The following MEF2C variants were observed in gnomAD, a reference collection of about 807,000 sequenced individuals.
MEF2C encodes the protein myocyte-specific enhancer factor 2C.
MEF2C carries 6 observed loss-of-function variants against 50.5 expected under a neutral mutation model. The observed-to-expected ratio is 0.12, with a 90% CI of 0.07 to 0.23. The LOEUF is 0.23. Ranked by LOEUF, MEF2C falls within the 10% of genes least tolerant of loss-of-function variation. The pLI, the probability that MEF2C is intolerant of heterozygous loss-of-function variation, is 1.00. For missense variants in MEF2C, 276 were observed against 605.0 expected (o/e 0.46, Z 5.70); for synonymous variants, 183 against 228.0 (o/e 0.80, Z 1.78).
chr5:88,888,637 G>A (rs181001069), intron 1 of MEF2C, among the ~76,000 whole-genome samples: 5 of 151,072 alleles, frequency 3.3e-5, no homozygotes, highest in African/African-American at 2.4e-5. Context: ...TATTAAGTGA[G>A]AATCATAATA....
In MEF2C at chr5:88,734,655, C is replaced by G. The variant is rs1004689899; in HGVS notation, c.638-2754G>C. ...TCCAACAAAGCCTATGTCTTTTTGC[C>G]CACATTTTAAACAGTGATTCAGGGC... On this transcript the variant is annotated intron_variant, in intron 6 of 10. Transcript: ENST00000504921. 1.3e-5 allele frequency: 13 copies of G among 963,244 alleles called. No homozygotes were observed. In the African/African-American group the frequency reaches 2.6e-4, roughly 19 times the overall value. 59.7% of individuals were successfully genotyped at this position (963,244 alleles called of 1,614,324 possible). A position where few individuals can be genotyped will look rare whatever the true frequency, so the allele number is the denominator to read the frequency against.
At chr5:88,740,104 C>T (rs1193505705) in intron 6 of MEF2C, 16 of 985,190 alleles carry the variant, frequency 1.6e-5, no homozygotes, top group East Asian at 1.1e-4. Context: ...GGGCATCAGA[C>T]GTTCTAAAAA....
intron 3 of MEF2C, among the ~76,000 whole-genome samples, chr5:88,765,321 G>C (rs1000973282): frequency 6.6e-6 from 1 of 152,192 alleles, no homozygotes; most frequent in African/African-American, 2.4e-5. Flanking sequence ...ATCCTCAGCT[G>C]AGTGCTTGTA....
At chr5:88,862,609 A>G (rs1226363238) in intron 1 of MEF2C, among the ~76,000 whole-genome samples, 7 of 152,024 alleles carry the variant, frequency 4.6e-5, no homozygotes, top group African/African-American at 1.2e-4. Flanking sequence ...AAGAGATGTA[A>G]GTTGAATCTC....
intron 3 of MEF2C, chr5:88,770,069 A>G (rs1781703557): frequency 1.1e-6 from 1 of 879,852 alleles, no homozygotes; most frequent in Non-Finnish European, 1.4e-6. Flanking sequence ...GGAAAAGACA[A>G]GACAGAACTA....
intron 4 of MEF2C, among the ~76,000 whole-genome samples, chr5:88,752,263 T>A (rs1773175626): frequency 6.6e-6 from 1 of 152,244 alleles, no homozygotes; most frequent in Admixed American, 6.5e-5. Flanking sequence ...ATGTTTCACT[T>A]TTGTTTAAAA....
chr5:88,847,930 A>G (rs1320241636), intron 1 of MEF2C, among the ~76,000 whole-genome samples: 1 of 152,204 alleles, frequency 6.6e-6, no homozygotes, highest in Non-Finnish European at 1.5e-5. Flanking sequence ...GAATTTGAAC[A>G]CAAACAATGA....
intron 3 of MEF2C, among the ~76,000 whole-genome samples, chr5:88,801,563 G>A (rs1798378833): frequency 6.6e-6 from 1 of 151,580 alleles, no homozygotes; most frequent in African/African-American, 2.4e-5. Context: ...CGCGATCTCG[G>A]CTTGCTGCAA....
At chr5:88,730,296 A>G in intron 7 of MEF2C, 62 bp from the exon 8 acceptor site, 1 of 1,530,576 alleles carries the variant, frequency 6.5e-7, no homozygotes, top group East Asian at 2.4e-5. Flanking sequence ...ATTGGGCAAA[A>G]TCTTTTCAAC....
In MEF2C at chr5:88,730,189, G is replaced by A. The variant is rs1760846179; in HGVS notation, c.834+22C>T. 2.5e-6 allele frequency: 4 copies of A among 1,577,930 alleles called. No individual in the cohort carries two copies. In the African/African-American group the frequency reaches 4.0e-5, roughly 16 times the overall value. On this transcript the variant is annotated intron_variant, in intron 8 of 10. Transcript: ENST00000504921. The stretch of plus-strand genomic sequence containing the variant: ...AAGTAGCTTTGCACATGCCATTTGA[G>A]GGAAGCGCTCTCACCACTTACCAAA...
intron 6 of MEF2C, chr5:88,742,092 C>T: frequency 2.0e-6 from 2 of 985,368 alleles, no homozygotes; most frequent in Non-Finnish European, 2.4e-6. Flanking sequence ...GCAGATTATA[C>T]TCTTGGCTGA....
At chr5:88,782,102 A>T in intron 3 of MEF2C, 1 of 959,714 alleles carries the variant, frequency 1.0e-6, no homozygotes, top group Non-Finnish European at 1.2e-6. Context: ...GCACTACTTC[A>T]TTAGGAACTT....
At chr5:88,838,957 C>T (rs190728629) in intron 1 of MEF2C, among the ~76,000 whole-genome samples, 1 of 152,216 alleles carries the variant, frequency 6.6e-6, no homozygotes. Flanking sequence ...TTATAAGACA[C>T]ACGCCTAATA....
intron 1 of MEF2C, among the ~76,000 whole-genome samples, chr5:88,843,661 C>A (rs1818242340): frequency 6.6e-6 from 1 of 152,022 alleles, no homozygotes; most frequent in East Asian, 1.9e-4. Context: ...AAACAAATAT[C>A]TATGACTTTC....
At chr5:88,799,587 A>G (rs1465196920) in intron 3 of MEF2C, among the ~76,000 whole-genome samples, 1 of 152,204 alleles carries the variant, frequency 6.6e-6, no homozygotes, top group Admixed American at 6.5e-5. Flanking sequence ...ATGTAAGAGC[A>G]CTTAGCTCGT....
chr5:88,751,300 T>C, intron 5 of MEF2C: 1 of 985,366 alleles, frequency 1.0e-6, no homozygotes, highest in South Asian at 4.7e-5. Context: ...TACATGTGTT[T>C]AATTAACTTC....
At chr5:88,733,943 C>A in intron 6 of MEF2C, 1 of 985,152 alleles carries the variant, frequency 1.0e-6, no homozygotes, top group Non-Finnish European at 1.2e-6. Flanking sequence ...TGACAAACCC[C>A]CAAATTTTCT....
chr5:88,841,231 C>A (rs920282492), intron 1 of MEF2C, among the ~76,000 whole-genome samples: 4 of 152,028 alleles, frequency 2.6e-5, no homozygotes, highest in Admixed American at 6.6e-5. Context: ...ATCTTAGGGC[C>A]GGGCACTGTG....
chr5:88,783,383 CT>C (rs1789160512), intron 3 of MEF2C, among the ~76,000 whole-genome samples: 2 of 152,126 alleles, frequency 1.3e-5, no homozygotes, highest in African/African-American at 4.8e-5. Context: ...AATCCCAGCA[CT>C]TTGGGAGGCC....
Sources: allele counts gnomAD v4.1 joint callset (sites outside exome capture counted in the v4.1 genomes callset), GRCh38; gene constraint gnomAD v4.1.1; transcripts MANE v1.5; gene names NCBI Gene and HGNC (gene_info 2026-07-23, HGNC 2026-07-21).